The following FAM149A variants were observed in gnomAD, a reference collection of about 807,000 sequenced individuals.
FAM149A encodes family with sequence similarity 149 member A.
Under a neutral mutation model 78.2 loss-of-function variants are expected in FAM149A, and 71 were observed. The observed-to-expected ratio is 0.91, with a 90% CI of 0.75 to 1.11. The LOEUF is 1.11. Among genes scored for constraint, FAM149A ranks in the 50% least tolerant of loss-of-function variants. FAM149A has a pLI of 0.00. For synonymous variants in FAM149A, 446 were observed against 410.5 expected (o/e 1.09, Z -1.04); for missense variants, 1,036 against 971.0 (o/e 1.07, Z -0.89).
chr4:186,150,344 G>A (rs892307303), intron 3 of FAM149A, among the ~76,000 whole-genome samples: 3 of 142,078 alleles, frequency 2.1e-5, no homozygotes, highest in Non-Finnish European at 3.0e-5. Context: ...GTTTTACCTC[G>A]TTTATGCTGG....
At chr4:186,161,302 C>T (rs1261427868) in intron 8 of FAM149A, among the ~76,000 whole-genome samples, 2 of 152,096 alleles carry the variant, frequency 1.3e-5, no homozygotes, top group Non-Finnish European at 2.9e-5. Context: ...AAAACTGCAC[C>T]TGGCGTGGGA....
Position 186,163,514 on chromosome 4 carries a change from A to T in FAM149A, c.1770A>T (p.Gly590=). The T allele has an allele frequency of 6.2e-7, 1 of 1,614,132 alleles. No homozygotes were observed. Among genetic ancestry groups the T allele is most frequent in the Non-Finnish European group, 8.5e-7 (1 of 1,180,006 alleles). The change falls in exon 10 of 14, where the codon GGA becomes GGT. Residue 590 remains glycine (G), a synonymous_variant. Transcript: ENST00000389354. ...TGGGACGGGCCTCAGACACTCATGG[A>T]TTATCACCTTCTGCAAAGAAAACAC...
intron 8 of FAM149A, 24 bp downstream of exon 8, chr4:186,157,743 C>T (rs762449089): frequency 3.1e-6 from 5 of 1,590,532 alleles, no homozygotes; most frequent in Non-Finnish European, 4.3e-6. Context: ...CACCCTTCTC[C>T]CTCTTGCCTT....
intron 1 of FAM149A, chr4:186,132,175 A>G (rs548489550): frequency 2.0e-6 from 2 of 985,348 alleles, no homozygotes; most frequent in Non-Finnish European, 2.4e-6. Flanking sequence ...GTCACTTTTA[A>G]TGAAGGGCAG....
At chr4:186,140,618 G>A (rs1254872404) in intron 1 of FAM149A, among the ~76,000 whole-genome samples, 4 of 152,062 alleles carry the variant, frequency 2.6e-5, no homozygotes, top group African/African-American at 9.7e-5. Context: ...TAGGCTAAGG[G>A]AGATCCTATT....
At chr4:186,141,807 C>T (rs2099325903) in intron 1 of FAM149A, among the ~76,000 whole-genome samples, 1 of 152,124 alleles carries the variant, frequency 6.6e-6, no homozygotes, top group African/African-American at 2.4e-5. Flanking sequence ...GATAATAGGG[C>T]TTTAAAAAAT....
At chr4:186,150,714 C>T (rs1228495331) in intron 3 of FAM149A, among the ~76,000 whole-genome samples, 4 of 103,516 alleles carry the variant, frequency 3.9e-5, no homozygotes, top group African/African-American at 7.5e-5. Flanking sequence ...CCACCGCGTC[C>T]GGCCTTTTCT....
rs1181675555 is a variant in FAM149A at position 186,144,556 on chromosome 4, A to T, written c.567-4617A>T. The T allele has an allele frequency of 6.6e-6, 1 of 152,636 alleles. No homozygotes were observed. Among genetic ancestry groups the T allele is most frequent in the Non-Finnish European group, 1.5e-5 (1 of 68,484 alleles). The allele number at this position is 152,636 out of a possible 1,614,324, so 9.5% of individuals were successfully genotyped here. Reference sequence around the variant, plus strand: ...CTCTGCCTTCTTCTGGTGAATTAAAATCCGATTTGGAAGAGAGAAGGGCAG... The same window carrying T: ...CTCTGCCTTCTTCTGGTGAATTAAATTCCGATTTGGAAGAGAGAAGGGCAG... On this transcript the variant is annotated intron_variant, in intron 1 of 13. Transcript: ENST00000389354. This position sits in a 1 kb window ranked among gnomAD's most constrained non-coding sequence, Gnocchi z 4.2.
chr4:186,169,456 G>A, intron 13 of FAM149A: 6 of 983,650 alleles, frequency 6.1e-6, no homozygotes, highest in Non-Finnish European at 7.2e-6. Context: ...GAGCTTGGGA[G>A]CGGGAGGCCT....
intron 6 of FAM149A, among the ~76,000 whole-genome samples, chr4:186,155,692 T>C (rs1196098736): frequency 6.6e-6 from 1 of 151,812 alleles, no homozygotes; most frequent in Non-Finnish European, 1.5e-5. Flanking sequence ...AACTTTATAC[T>C]TGAAGGAATG....
rs933006395 is a variant in FAM149A at position 186,130,866 on chromosome 4, G to C, written c.567-18307G>C. The stretch of plus-strand genomic sequence containing the variant: ...CAGAAACACCTATTTGTACATGGAT[G>C]TTTGGTTGCTGCAAAGTTGGTGTTG... On this transcript the variant is annotated intron_variant, in intron 1 of 13. Transcript: ENST00000389354. Among the ~76,000 whole-genome samples the C allele has an allele frequency of 3.9e-5, 6 of 152,324 alleles. 2 individuals are homozygous for C. The highest frequency in any genetic ancestry group is 3.9e-4 in the Admixed American group (6 of 15,308).
rs774224809 is a variant in FAM149A at position 186,165,410 on chromosome 4, A to G, written c.1956A>G (p.Leu652=). The G allele has an allele frequency of 6.2e-7, 1 of 1,614,076 alleles. No individual in the cohort carries two copies. Among genetic ancestry groups the G allele is most frequent in the Non-Finnish European group, 8.5e-7 (1 of 1,179,908 alleles). ...CGTCACGGAGCAGGTTCCCCCCGCT[A>G]GTCACGGAGACCAGGGGGCAGAATA... The change falls in exon 11 of 14, where the codon CTA becomes CTG. Residue 652 remains leucine (L), a synonymous_variant. Transcript: ENST00000389354.
Position 186,172,057 on chromosome 4 carries a change from A to G in FAM149A, c.*70A>G. 1 of 1,575,310 alleles carries G rather than the reference A, an allele frequency of 6.3e-7. No homozygotes were observed. Among genetic ancestry groups the G allele is most frequent in the Non-Finnish European group, 8.6e-7 (1 of 1,165,144 alleles). ...CTGCTTATCACTTGAAAAATGGAGG[A>G]ACAAGTGTTATATTTATCTGTGTGT... On this transcript the variant is annotated 3_prime_UTR_variant, in exon 14 of 14. Transcript: ENST00000389354.
chr4:186,121,175 A>G (rs1356247582), intron 1 of FAM149A, among the ~76,000 whole-genome samples: 1 of 152,178 alleles, frequency 6.6e-6, no homozygotes, highest in African/African-American at 2.4e-5. Context: ...TCATACTAGA[A>G]CGGCAGTAAT....
At chr4:186,138,682 C>T (rs2099324543) in intron 1 of FAM149A, among the ~76,000 whole-genome samples, 1 of 152,114 alleles carries the variant, frequency 6.6e-6, no homozygotes, top group Non-Finnish European at 1.5e-5. Flanking sequence ...CGCTGGGGTT[C>T]GCCTTGTGTT....
intron 8 of FAM149A, chr4:186,158,270 G>T: frequency 8.1e-7 from 1 of 1,231,004 alleles, no homozygotes; most frequent in South Asian, 1.4e-5. Context: ...GGTCCCAGGC[G>T]ACCACCAGCC....
intron 4 of FAM149A, 50 bp downstream of exon 4, chr4:186,152,095 A>C (rs780975891): frequency 5.7e-5 from 90 of 1,577,964 alleles, no homozygotes; most frequent in Admixed American, 6.8e-5. Flanking sequence ...CCAAGCACCC[A>C]CCCCTGACCT....
At chr4:186,165,228 G>C (rs1011399081) in intron 10 of FAM149A, 116 bp from the exon 11 acceptor site, 11 of 1,100,494 alleles carry the variant, frequency 1.0e-5, no homozygotes, top group Non-Finnish European at 1.4e-5. Context: ...AGAAATCAAA[G>C]ACCTCCTGTG....
In FAM149A at chr4:186,150,730, T is replaced by C. The variant is rs1416034944; in HGVS notation, c.789+1026T>C. ...CACCGCGTCCGGCCTTTTCTCTCTT[T>C]TTTTTTTTTAAGACAGAGTCTTGCT... On this transcript the variant is annotated intron_variant, in intron 3 of 13. Transcript: ENST00000389354. 1.9e-3 allele frequency among the ~76,000 whole-genome samples: 271 copies of C among 141,990 alleles called. 1 individual carries two copies. Among genetic ancestry groups the C allele is most frequent in the African/African-American group, 7.4e-3 (259 of 34,782 alleles). The allele number at this position is 141,990 out of a possible 152,430, so 93.2% of individuals were successfully genotyped here.
Sources: gnomAD v4.1 joint callset for allele counts (sites outside exome capture counted in the v4.1 genomes callset) on GRCh38, gnomAD v4.1.1 for gene constraint, Gnocchi (gnomAD v3.1) non-coding constraint, MANE v1.5 for transcripts, NCBI Gene and HGNC (gene_info 2026-07-23, HGNC 2026-07-21) for gene names.